LHFPL3: variants seen among roughly 807,000 people sequenced by gnomAD.
The protein encoded by LHFPL3 is LHFPL tetraspan subfamily member 3 protein.
In LHFPL3, 5 loss-of-function variants were observed where a neutral mutation model predicts 19.3. The observed-to-expected ratio is 0.26, with a 90% CI of 0.14 to 0.54. The LOEUF is 0.54. LHFPL3 is among the 20% of genes least tolerant of loss of function. LHFPL3 has a pLI of 0.94. For missense variants in LHFPL3, 249 were observed against 307.4 expected, an observed-to-expected ratio of 0.81 and a Z score of 1.42; for synonymous variants, 133 against 126.2, an observed-to-expected ratio of 1.05 and a Z score of -0.36.
chr7:104,477,230 A>G (rs557831692), intron 1 of LHFPL3, among the ~76,000 whole-genome samples: 3 of 152,206 alleles, frequency 2.0e-5, no homozygotes, highest in South Asian at 2.1e-4. Context: ...GGCTCAAGGG[A>G]TCCTTCTGCC....
At chr7:104,435,903 G>A (rs914868201) in intron 1 of LHFPL3, among the ~76,000 whole-genome samples, 1 of 151,912 alleles carries the variant, frequency 6.6e-6, no homozygotes, top group African/African-American at 2.4e-5. Context: ...GCCATTTTCA[G>A]GATTCTAGAA....
chr7:104,602,686 A>G (rs1231762543), intron 1 of LHFPL3, among the ~76,000 whole-genome samples: 2 of 152,222 alleles, frequency 1.3e-5, no homozygotes, highest in Non-Finnish European at 2.9e-5. Context: ...TTGTTGAAAG[A>G]TGTCTTAGTT....
chr7:104,567,638 G>A (rs73409767), intron 1 of LHFPL3, among the ~76,000 whole-genome samples: 2,684 of 152,216 alleles, frequency 0.018, 72 homozygotes, highest in African/African-American at 0.061. Flanking sequence ...GAAAACTGTC[G>A]TGTCAGAGAC....
chr7:104,672,057 A>ATGTGTGTGTG (rs71968211), intron 1 of LHFPL3, among the ~76,000 whole-genome samples: 21 of 86,446 alleles, frequency 2.4e-4, no homozygotes, highest in African/African-American at 6.4e-4. Flanking sequence ...TTTAACTTCC[A>ATGTGTGTGTG]AGTGTGTGTG....
chr7:104,671,076 G>A (rs1303546351), intron 1 of LHFPL3, among the ~76,000 whole-genome samples: 2 of 152,070 alleles, frequency 1.3e-5, no homozygotes, highest in Non-Finnish European at 1.5e-5. Context: ...ATTAGGCCCT[G>A]TTCAGCCATG....
chr7:104,768,139 T>TGAA (rs1456106214), intron 2 of LHFPL3, among the ~76,000 whole-genome samples: 3 of 18,028 alleles, frequency 1.7e-4, no homozygotes, highest in African/African-American at 9.2e-4. Flanking sequence ...ATTATTCTCG[T>TGAA]GAAAAAAAAA....
chr7:104,619,125 T>C (rs1000034874), intron 1 of LHFPL3, among the ~76,000 whole-genome samples: 17 of 152,302 alleles, frequency 1.1e-4, no homozygotes, highest in African/African-American at 4.1e-4. Context: ...TTTTTAAAAC[T>C]GTTGATTTTG....
intron 1 of LHFPL3, among the ~76,000 whole-genome samples, chr7:104,666,700 T>C (rs575420294): frequency 1.3e-5 from 2 of 150,304 alleles, no homozygotes; most frequent in African/African-American, 4.9e-5. Context: ...TTTTTGTATT[T>C]TTAGTACAGA....
At chr7:104,509,845 AAGGAAT>A (rs1026822975) in intron 1 of LHFPL3, among the ~76,000 whole-genome samples, 1 of 152,120 alleles carries the variant, frequency 6.6e-6, no homozygotes, top group African/African-American at 2.4e-5. Context: ...AGAAAGTCCC[AAGGAAT>A]CTACAAAAAT....
intron 1 of LHFPL3, among the ~76,000 whole-genome samples, chr7:104,521,834 G>T (rs1256115636): frequency 1.3e-5 from 2 of 152,116 alleles, no homozygotes; most frequent in Non-Finnish European, 2.9e-5. Flanking sequence ...AAACCACAAT[G>T]AGATACCATC....
intron 1 of LHFPL3, among the ~76,000 whole-genome samples, chr7:104,429,480 G>GTT (rs1455586535): frequency 2.1e-5 from 3 of 140,458 alleles, no homozygotes; most frequent in Non-Finnish European, 4.6e-5. Context: ...GCTATTTTTT[G>GTT]TTTTGTTTTT....
chr7:104,754,993 G>T (rs1314636547), intron 2 of LHFPL3, among the ~76,000 whole-genome samples: 1 of 152,234 alleles, frequency 6.6e-6, no homozygotes, highest in Admixed American at 6.5e-5. Context: ...GGGTCTGCAT[G>T]AGGAGGAAGA....
chr7:104,788,393 T>C (rs1364666670), intron 2 of LHFPL3, among the ~76,000 whole-genome samples: 1 of 152,210 alleles, frequency 6.6e-6, no homozygotes, highest in East Asian at 1.9e-4. Flanking sequence ...TCTGTTAACT[T>C]AGCACAGTCT....
At chr7:104,593,871 CT>C (rs772381591) in intron 1 of LHFPL3, among the ~76,000 whole-genome samples, 7 of 115,818 alleles carry the variant, frequency 6.0e-5, no homozygotes, top group Non-Finnish European at 1.0e-4. Context: ...GCGACCCCTG[CT>C]TTTTTTTTGC....
At chr7:104,820,340 T>G (rs1321038510) in intron 2 of LHFPL3, among the ~76,000 whole-genome samples, 1 of 152,192 alleles carries the variant, frequency 6.6e-6, no homozygotes, top group Non-Finnish European at 1.5e-5. Flanking sequence ...TCTGAGCAGC[T>G]GAAATGCTTC....
intron 1 of LHFPL3, among the ~76,000 whole-genome samples, chr7:104,625,223 T>A (rs1245957700): frequency 6.6e-6 from 1 of 152,226 alleles, no homozygotes; most frequent in Non-Finnish European, 1.5e-5. Flanking sequence ...CATGTTGTCC[T>A]CCTTCACCAA....
rs117825791 is a variant in LHFPL3, at chr7:104,806,799, G to A, written c.682+69888G>A. Among the ~76,000 whole-genome samples, 61 of 152,292 alleles carry A rather than the reference G, an allele frequency of 4.0e-4. 1 individual carries two copies. The highest frequency in any genetic ancestry group is 6.9e-4 in the Non-Finnish European group (47 of 68,022). On this transcript the variant is annotated intron_variant, in intron 2 of 2. Transcript: ENST00000424859. Reference sequence around the variant, plus strand: ...AAAGGGAACCCAACAAAGTCTTGCTGTGGACCACACCTGAGATCAGGCACT... The same window carrying A: ...AAAGGGAACCCAACAAAGTCTTGCTATGGACCACACCTGAGATCAGGCACT...
At chr7:104,417,868 TCTTCTTC>T (rs1791653471) in intron 1 of LHFPL3, among the ~76,000 whole-genome samples, 2 of 129,484 alleles carry the variant, frequency 1.5e-5, no homozygotes, top group Admixed American at 8.0e-5. Context: ...TTCTTCTTCT[TCTTCTTC>T]TTCTTCTTCT....
Position 104,592,957 on chromosome 7 carries a change from A to G in LHFPL3, c.446-143718A>G, listed in dbSNP as rs372135022. On this transcript the variant is annotated intron_variant, in intron 1 of 2. Coordinates refer to ENST00000424859, the MANE Select transcript of LHFPL3 (RefSeq NM_199000.3). Reference sequence around the variant, plus strand: ...CATTTGCTAAGACCATTGTAAAAGCACAGGATTAGGGTGGCATTGAATGAA... The same window carrying G: ...CATTTGCTAAGACCATTGTAAAAGCGCAGGATTAGGGTGGCATTGAATGAA... Among the ~76,000 whole-genome samples, 110 of 152,302 alleles carry G rather than the reference A, an allele frequency of 7.2e-4. 2 individuals are homozygous for G. In the South Asian group the frequency reaches 0.013, roughly 18 times the overall value.
Sources: allele counts gnomAD v4.1 joint callset (sites outside exome capture counted in the v4.1 genomes callset), GRCh38; gene constraint gnomAD v4.1.1; transcripts MANE v1.5; gene names NCBI Gene and HGNC (gene_info 2026-07-23, HGNC 2026-07-21).